NOS1AP: variants seen among roughly 807,000 people sequenced by gnomAD.
NOS1AP encodes the protein nitric oxide synthase 1 adaptor protein.
A neutral mutation model predicts 56.2 loss-of-function variants in NOS1AP; 21 were observed. The observed-to-expected ratio is 0.37, with a 90% CI of 0.26 to 0.54. The LOEUF (loss-of-function observed/expected upper bound fraction) is 0.54. Among genes scored for constraint, NOS1AP ranks in the 20% least tolerant of loss-of-function variants. NOS1AP has a pLI of 0.84. For missense variants in NOS1AP, 522 were observed against 657.8 expected, an observed-to-expected ratio of 0.79 and a Z score of 2.26; for synonymous variants, 270 against 274.6, an observed-to-expected ratio of 0.98 and a Z score of 0.17.
intron 2 of NOS1AP, among the ~76,000 whole-genome samples, chr1:162,271,748 T>C (rs879905616): frequency 6.7e-6 from 1 of 149,282 alleles, no homozygotes; most frequent in Non-Finnish European, 1.5e-5. Context: ...ACTGGGTGGA[T>C]TAAACAACAG....
intron 1 of NOS1AP, among the ~76,000 whole-genome samples, chr1:162,099,288 C>T (rs558152986): frequency 6.6e-6 from 1 of 151,712 alleles, no homozygotes; most frequent in South Asian, 2.1e-4. Context: ...CGCGGGTTCA[C>T]GCCATTCTCC....
intron 1 of NOS1AP, among the ~76,000 whole-genome samples, chr1:162,071,012 C>T (rs767096731): frequency 6.6e-6 from 1 of 152,124 alleles, no homozygotes; most frequent in Non-Finnish European, 1.5e-5. Flanking sequence ...GAAGCCTCGG[C>T]CCTGGACCAT....
intron 1 of NOS1AP, 46 bp downstream of exon 1, chr1:162,070,328 G>A: frequency 6.6e-7 from 1 of 1,521,310 alleles, no homozygotes; most frequent in Non-Finnish European, 9.1e-7. Flanking sequence ...GCGGTTGGGG[G>A]GGCATGTTTG....
intron 2 of NOS1AP, among the ~76,000 whole-genome samples, chr1:162,228,356 G>A (rs576111697): frequency 8.5e-5 from 13 of 152,288 alleles, no homozygotes; most frequent in African/African-American, 2.2e-4. Context: ...GGAGAATACC[G>A]TGGCATTGAT....
chr1:162,281,197 A>G (rs1201778658), intron 2 of NOS1AP, among the ~76,000 whole-genome samples: 1 of 152,198 alleles, frequency 6.6e-6, no homozygotes, highest in Non-Finnish European at 1.5e-5. Context: ...TGGACCATGG[A>G]CCATATAAGG....
chr1:162,140,221 T>C (rs1432716372), intron 1 of NOS1AP, among the ~76,000 whole-genome samples: 1 of 152,204 alleles, frequency 6.6e-6, no homozygotes, highest in Non-Finnish European at 1.5e-5. Context: ...AACTACTTTC[T>C]TTTTTATTCC....
chr1:162,284,406 TATAA>T (rs1315829830), intron 2 of NOS1AP, among the ~76,000 whole-genome samples: 31 of 152,294 alleles, frequency 2.0e-4, no homozygotes, highest in African/African-American at 6.0e-4. Context: ...CAAGAGTCCT[TATAA>T]ATAGCACTCA....
In NOS1AP at chr1:162,343,927, C is replaced by A; in HGVS notation, c.546C>A (p.Gly182=). 1 of 1,614,078 alleles carries A rather than the reference C, an allele frequency of 6.2e-7. No individual in the cohort carries two copies. The highest frequency in any genetic ancestry group is 8.5e-7 in the Non-Finnish European group (1 of 1,180,012). Residue 182 remains glycine, a synonymous_variant, in exon 6 of 10, where the codon GGC becomes GGA. Coordinates refer to ENST00000361897, the MANE Select transcript of NOS1AP (RefSeq NM_014697.3). ...AGCACACGCAGCAGAATGCAGATGG[C>A]CAGGAAGATGGAGAGAGCGAGAGGA... ...SLQHTQQNAD[G]QEDGESERNS... is the part of the protein sequence containing the mutation.
intron 1 of NOS1AP, among the ~76,000 whole-genome samples, chr1:162,093,963 G>T (rs1263696168): frequency 1.3e-5 from 2 of 152,166 alleles, no homozygotes; most frequent in Non-Finnish European, 2.9e-5. Context: ...TAATGATTTT[G>T]ACCAAGAAGA....
intron 1 of NOS1AP, among the ~76,000 whole-genome samples, chr1:162,123,022 G>C (rs529029947): frequency 6.6e-6 from 1 of 152,068 alleles, no homozygotes; most frequent in Non-Finnish European, 1.5e-5. Flanking sequence ...TCTATTCGAC[G>C]AGTATTTATT....
chr1:162,156,122 A>G (rs1400783630), intron 2 of NOS1AP, among the ~76,000 whole-genome samples: 7 of 152,218 alleles, frequency 4.6e-5, no homozygotes, highest in Non-Finnish European at 1.5e-5. Flanking sequence ...TGATCTTCGC[A>G]GTATTTCAGC....
At position 162,261,433 on chromosome 1, in the gene NOS1AP, A is replaced by C. The variant is rs1037653405; in HGVS notation, c.178-25911A>C. 2.0e-4 allele frequency among the ~76,000 whole-genome samples: 23 copies of C among 116,442 alleles called. 4 individuals carry two copies. The highest frequency in any genetic ancestry group is 6.7e-4 in the African/African-American group (19 of 28,560). The allele number at this position is 116,442 out of a possible 152,430, so 76.4% of individuals were successfully genotyped here. Reference sequence around the variant, plus strand: ...TTATCCAGGTGGGCTCAATCTAATCACAAGAGTCCTTATAGAAGAGAGGCA... The same window carrying C: ...TTATCCAGGTGGGCTCAATCTAATCCCAAGAGTCCTTATAGAAGAGAGGCA... On this transcript the variant is annotated intron_variant, in intron 2 of 9. Transcript: ENST00000361897.
In NOS1AP at chr1:162,210,929, G is replaced by A. The variant is rs74125979; in HGVS notation, c.177+56453G>A. Reference sequence around the variant, plus strand: ...AGCTCACGGAGTCCGCAGCTGCTGTGATGCTGGAGGGGCTGCAGTGCTGCC... The same window carrying A: ...AGCTCACGGAGTCCGCAGCTGCTGTAATGCTGGAGGGGCTGCAGTGCTGCC... On this transcript the variant is annotated intron_variant, in intron 2 of 9. Transcript: ENST00000361897. Among the ~76,000 whole-genome samples the A allele has an allele frequency of 4.1e-3, 620 of 152,354 alleles. 2 individuals are homozygous for A. Among genetic ancestry groups the A allele is most frequent in the African/African-American group, 0.014 (592 of 41,566 alleles).
At chr1:162,220,334 T>C (rs998783954) in intron 2 of NOS1AP, among the ~76,000 whole-genome samples, 1 of 152,128 alleles carries the variant, frequency 6.6e-6, no homozygotes, top group Non-Finnish European at 1.5e-5. Context: ...GGGTGTCTGC[T>C]GTGTGCTATG....
intron 6 of NOS1AP, among the ~76,000 whole-genome samples, chr1:162,347,475 T>G (rs1161662340): frequency 6.6e-6 from 1 of 152,192 alleles, no homozygotes; most frequent in Non-Finnish European, 1.5e-5. Context: ...TCGGAGGAAT[T>G]TAATCTAATC....
chr1:162,294,189 A>AAGGCAGGT (rs1655367410), intron 3 of NOS1AP, among the ~76,000 whole-genome samples: 1 of 34,000 alleles, frequency 2.9e-5, no homozygotes, highest in East Asian at 1.4e-3. Flanking sequence ...GGAAGGAAGG[A>AAGGCAGGT]AGGAAGTAAG....
chr1:162,266,997 AC>A (rs1654441929), intron 2 of NOS1AP, among the ~76,000 whole-genome samples: 1 of 152,150 alleles, frequency 6.6e-6, no homozygotes, highest in African/African-American at 2.4e-5. Context: ...TTCTTCTATA[AC>A]ATTAATATAA....
chr1:162,217,883 T>C (rs1035798683), intron 2 of NOS1AP, among the ~76,000 whole-genome samples: 3 of 152,166 alleles, frequency 2.0e-5, no homozygotes, highest in Admixed American at 1.3e-4. Context: ...TCCTTCCCAC[T>C]CACAGATACA....
At chr1:162,199,399 A>G (rs1389264639) in intron 2 of NOS1AP, among the ~76,000 whole-genome samples, 1 of 152,188 alleles carries the variant, frequency 6.6e-6, no homozygotes, top group Non-Finnish European at 1.5e-5. Flanking sequence ...AGTGAGGATA[A>G]ATAGCAGGAA....
Sources: allele counts gnomAD v4.1 joint callset (sites outside exome capture counted in the v4.1 genomes callset), GRCh38; gene constraint gnomAD v4.1.1; transcripts MANE v1.5; gene names NCBI Gene and HGNC (gene_info 2026-07-23, HGNC 2026-07-21).